The following FOXJ3 variants were observed in gnomAD, a reference collection of about 807,000 sequenced individuals.
FOXJ3 encodes forkhead box J3, also known as forkhead box protein J3.
A neutral mutation model predicts 76.1 loss-of-function variants in FOXJ3; 22 were observed. The observed-to-expected ratio is 0.29, with a 90% CI of 0.21 to 0.41. The LOEUF (loss-of-function observed/expected upper bound fraction) is 0.41, where lower values mean the gene tolerates loss of function less well. FOXJ3 is among the 10% of genes least tolerant of loss of function. The pLI is 1.00. For missense variants in FOXJ3, 613 were observed against 762.1 expected, an observed-to-expected ratio of 0.80 and a Z score of 2.30; for synonymous variants, 269 against 261.2, an observed-to-expected ratio of 1.03 and a Z score of -0.29.
chr1:42,303,225 C>G (rs531784247), intron 2 of FOXJ3, among the ~76,000 whole-genome samples: 1 of 152,180 alleles, frequency 6.6e-6, no homozygotes, highest in Non-Finnish European at 1.5e-5. Flanking sequence ...AGCTCTATCC[C>G]TAATTACCTA....
At chr1:42,315,428 A>G in intron 1 of FOXJ3, 1 of 984,572 alleles carries the variant, frequency 1.0e-6, no homozygotes, top group South Asian at 4.7e-5. Context: ...CTCAAAACTC[A>G]GGCAAGGGAA....
intron 2 of FOXJ3, among the ~76,000 whole-genome samples, chr1:42,282,077 A>AC (rs1652759555): frequency 1.3e-5 from 2 of 152,100 alleles, no homozygotes; most frequent in East Asian, 3.9e-4. Flanking sequence ...AGAAAAAAAA[A>AC]AAAAAGAAAC....
At chr1:42,196,784 G>T (rs777039557) in intron 7 of FOXJ3, among the ~76,000 whole-genome samples, 1 of 152,214 alleles carries the variant, frequency 6.6e-6, no homozygotes, top group Non-Finnish European at 1.5e-5. Flanking sequence ...CATGTTAGCT[G>T]TGTCTGTCAT....
intron 4 of FOXJ3, among the ~76,000 whole-genome samples, chr1:42,242,490 C>T (rs1302859783): frequency 6.7e-6 from 1 of 150,064 alleles, no homozygotes; most frequent in African/African-American, 2.5e-5. Context: ...TTGAGAGCTT[C>T]GACAATAGAC....
chr1:42,212,681 C>T (rs926395913), intron 5 of FOXJ3, among the ~76,000 whole-genome samples: 3 of 151,984 alleles, frequency 2.0e-5, no homozygotes, highest in Non-Finnish European at 2.9e-5. Context: ...AGGAAAATTT[C>T]CCTGGTCTTG....
chr1:42,205,802 C>A lies in FOXJ3; in HGVS notation c.590G>T (p.Ser197Ile). 1 of 1,612,156 alleles carries A rather than the reference C, an allele frequency of 6.2e-7. No individual in the cohort carries two copies. Among genetic ancestry groups the A allele is most frequent in the Non-Finnish European group, 8.5e-7 (1 of 1,178,290 alleles). Residue 197 changes from serine (S) to isoleucine (I), a missense_variant, in exon 6 of 13, where the codon AGT becomes ATT. Coordinates refer to ENST00000361346, the MANE Select transcript of FOXJ3 (RefSeq NM_014947.5). The part of the protein sequence containing the change: ...SLGMECIISG[S>I]ASPTLAINTV... ...GTTGATTGCCAGAGTTGGAGAGGCACTTCCCGAAATAATACACTCCATTCC... is the reference window on the plus strand; with the variant it reads ...GTTGATTGCCAGAGTTGGAGAGGCAATTCCCGAAATAATACACTCCATTCC...
intron 10 of FOXJ3, 74 bp from the exon 11 acceptor site, chr1:42,189,002 T>C: frequency 1.0e-6 from 1 of 1,001,520 alleles, no homozygotes; most frequent in Non-Finnish European, 1.4e-6. Flanking sequence ...CAAGACATAA[T>C]TTTTTTCAGC....
At position 42,228,801 on chromosome 1, in the gene FOXJ3, G is replaced by C. The variant is rs542027454; in HGVS notation, c.445-835C>G. On this transcript the variant is annotated intron_variant, in intron 4 of 12. Transcript: ENST00000361346. The stretch of plus-strand genomic sequence containing the variant: ...GGGGAGGAAAGCATGAAAGAGGGGA[G>C]TTCAAGAAAGGGAAAGAGGGAAGGG... Among the ~76,000 whole-genome samples, 52 of 152,274 alleles carry C rather than the reference G, an allele frequency of 3.4e-4. 1 individual carries two copies. The highest frequency in any genetic ancestry group is 1.2e-3 in the African/African-American group (50 of 41,540).
intron 2 of FOXJ3, among the ~76,000 whole-genome samples, chr1:42,308,832 C>T (rs909054405): frequency 1.3e-5 from 2 of 151,974 alleles, no homozygotes; most frequent in Non-Finnish European, 2.9e-5. Context: ...AACCCAATGT[C>T]ATATAAAGGC....
intron 6 of FOXJ3, among the ~76,000 whole-genome samples, chr1:42,201,312 C>T (rs547771765): frequency 3.3e-5 from 5 of 152,334 alleles, no homozygotes; most frequent in African/African-American, 7.2e-5. Flanking sequence ...TCTTTCTCTT[C>T]TTCCATACCT....
intron 2 of FOXJ3, among the ~76,000 whole-genome samples, chr1:42,296,144 T>C (rs758024022): frequency 5.9e-5 from 9 of 152,252 alleles, no homozygotes; most frequent in Non-Finnish European, 1.2e-4. Flanking sequence ...CTTGTATTTC[T>C]TCAAGAAATG....
At chr1:42,278,995 G>A (rs1037287284) in intron 2 of FOXJ3, among the ~76,000 whole-genome samples, 1 of 152,100 alleles carries the variant, frequency 6.6e-6, no homozygotes, top group African/African-American at 2.4e-5. Flanking sequence ...ACAGGATCTT[G>A]GTAAGAAAAA....
chr1:42,294,360 C>G (rs890284817), intron 2 of FOXJ3, among the ~76,000 whole-genome samples: 1 of 152,202 alleles, frequency 6.6e-6, no homozygotes, highest in Non-Finnish European at 1.5e-5. Flanking sequence ...ATTAAAGGAT[C>G]TGAACCAAGG....
At chr1:42,293,189 T>C in intron 2 of FOXJ3, among the ~76,000 whole-genome samples, 1 of 152,078 alleles carries the variant, frequency 6.6e-6, no homozygotes, top group East Asian at 1.9e-4. Flanking sequence ...CAAATATTTG[T>C]GATTAGGAAT....
chr1:42,189,574 C>T lies in FOXJ3; in HGVS notation c.1352-170G>A, dbSNP rs539240893. The T allele has an allele frequency of 3.0e-5, 16 of 527,430 alleles. No homozygotes were observed. The South Asian group carries it at 3.7e-4, about 12-fold the overall frequency. 32.7% of individuals were successfully genotyped at this position (527,430 alleles called of 1,614,324 possible). A position where few individuals can be genotyped will look rare whatever the true frequency, so the allele number is the denominator to read the frequency against. On this transcript the variant is annotated intron_variant, in intron 9 of 12. Coordinates refer to ENST00000361346, the MANE Select transcript of FOXJ3 (RefSeq NM_014947.5). ...TGGGCAATCTGCTCTGTGAGACAGG[C>T]AGAAAGGTATTATTTCTCTCCATTT...
At chr1:42,278,268 C>T (rs888859566) in intron 3 of FOXJ3, 80 bp downstream of exon 3, 67 of 1,031,416 alleles carry the variant, frequency 6.5e-5, no homozygotes, top group Non-Finnish European at 9.0e-5. Context: ...ATTACATGAG[C>T]ATTCACAAAG....
chr1:42,322,502 A>C (rs575354222), intron 1 of FOXJ3, among the ~76,000 whole-genome samples: 1 of 152,148 alleles, frequency 6.6e-6, no homozygotes, highest in South Asian at 2.1e-4. Context: ...TAATTTGTTG[A>C]ATCTCGATGG....
intron 2 of FOXJ3, among the ~76,000 whole-genome samples, chr1:42,305,291 T>C (rs992402761): frequency 6.6e-6 from 1 of 152,168 alleles, no homozygotes; most frequent in Non-Finnish European, 1.5e-5. Flanking sequence ...TTTTGTACAC[T>C]GTTGGTGGGA....
chr1:42,308,388 G>A (rs1183539249), intron 2 of FOXJ3, among the ~76,000 whole-genome samples: 2 of 152,102 alleles, frequency 1.3e-5, no homozygotes, highest in Non-Finnish European at 2.9e-5. Context: ...AATTTATTGT[G>A]GTTATTAAGT....
Sources: gnomAD v4.1 joint callset for allele counts (sites outside exome capture counted in the v4.1 genomes callset) on GRCh38, gnomAD v4.1.1 for gene constraint, MANE v1.5 for transcripts, NCBI Gene and HGNC (gene_info 2026-07-23, HGNC 2026-07-21) for gene names.